RPS6KC1: variants seen among roughly 807,000 people sequenced by gnomAD.
The protein encoded by RPS6KC1 is ribosomal protein S6 kinase C1, also known as inactive ribosomal protein S6 kinase delta-1.
In RPS6KC1, 54 loss-of-function variants were observed where a neutral mutation model predicts 103.8. The ratio of observed to expected loss-of-function variants is 0.52; its 90% CI spans 0.42 to 0.65. The LOEUF is 0.65. Ranked by LOEUF, RPS6KC1 falls within the 30% of genes least tolerant of loss-of-function variation. RPS6KC1 has a pLI of 0.00. For missense variants in RPS6KC1, 1,151 were observed against 1,253.8 expected (o/e 0.92, Z 1.24); for synonymous variants, 439 against 438.7 (o/e 1.00, Z -0.01).
the RPS6KC1 span, among the ~76,000 whole-genome samples, chr1:213,829,186 T>A: frequency 6.7e-6 from 1 of 149,488 alleles, no homozygotes; most frequent in African/African-American, 2.5e-5. Flanking sequence ...AAACAATTGT[T>A]GCATTAAGTG....
chr1:213,079,653 A>G (rs903528188), intron 3 of RPS6KC1, among the ~76,000 whole-genome samples: 2 of 151,928 alleles, frequency 1.3e-5, no homozygotes, highest in Non-Finnish European at 2.9e-5. Context: ...CCTGGGCTTA[A>G]GTGATCTGCC....
At chr1:213,332,648 T>A in the RPS6KC1 span, among the ~76,000 whole-genome samples, 1 of 152,152 alleles carries the variant, frequency 6.6e-6, no homozygotes, top group Non-Finnish European at 1.5e-5. Context: ...TCCTCTGTGG[T>A]GGCTGTGGCA....
chr1:213,746,449 T>A, the RPS6KC1 span, among the ~76,000 whole-genome samples: 1 of 152,138 alleles, frequency 6.6e-6, no homozygotes, highest in Non-Finnish European at 1.5e-5. Context: ...AGGGTGTGTG[T>A]GGGTGGCCGA....
the RPS6KC1 span, among the ~76,000 whole-genome samples, chr1:213,681,335 A>G: frequency 3.4e-3 from 511 of 152,318 alleles, 6 homozygotes; most frequent in African/African-American, 0.012. Flanking sequence ...TCCTCTAACA[A>G]GGCAGTTCTC....
chr1:213,666,499 G>A, the RPS6KC1 span, among the ~76,000 whole-genome samples: 1 of 152,152 alleles, frequency 6.6e-6, no homozygotes, highest in Non-Finnish European at 1.5e-5. Context: ...GAATTCCTGG[G>A]ACAAAGGATG....
chr1:213,310,508 G>C, the RPS6KC1 span, among the ~76,000 whole-genome samples: 1 of 151,928 alleles, frequency 6.6e-6, no homozygotes, highest in South Asian at 2.1e-4. Context: ...TCTTTCACAG[G>C]TACCTAAGCT....
At chr1:213,587,419 G>A in the RPS6KC1 span, among the ~76,000 whole-genome samples, 1 of 152,172 alleles carries the variant, frequency 6.6e-6, no homozygotes. Context: ...ATGGAGTGGG[G>A]CAAGAGGCAC....
chr1:213,723,657 T>C, the RPS6KC1 span, among the ~76,000 whole-genome samples: 1 of 152,154 alleles, frequency 6.6e-6, no homozygotes. Flanking sequence ...TTTGGGGAGA[T>C]ATAATTCAGT....
At chr1:213,205,234 A>G in intron 8 of RPS6KC1, 1 of 984,758 alleles carries the variant, frequency 1.0e-6, no homozygotes, top group Non-Finnish European at 1.2e-6. Context: ...CTACTGATTC[A>G]TTAGTACACA....
At chr1:213,663,396 A>G in the RPS6KC1 span, among the ~76,000 whole-genome samples, 1 of 152,176 alleles carries the variant, frequency 6.6e-6, no homozygotes, top group Non-Finnish European at 1.5e-5. Context: ...AGTGTTGATT[A>G]TAAGACACCC....
intron 6 of RPS6KC1, among the ~76,000 whole-genome samples, chr1:213,154,846 A>G (rs566012880): frequency 9.2e-5 from 14 of 152,248 alleles, no homozygotes; most frequent in Admixed American, 4.6e-4. Context: ...AGTCACCACA[A>G]TTGGTAATGT....
intron 2 of RPS6KC1, among the ~76,000 whole-genome samples, chr1:213,076,485 T>G (rs1319947048): frequency 6.6e-6 from 1 of 152,194 alleles, no homozygotes; most frequent in Admixed American, 6.5e-5. Flanking sequence ...CTGAGATGAT[T>G]AAGTTTTTCA....
At chr1:213,117,215 T>G in intron 4 of RPS6KC1, 102 bp from the exon 5 acceptor site, 51 of 648,962 alleles carry the variant, frequency 7.9e-5, no homozygotes, top group Middle Eastern at 4.0e-4. Flanking sequence ...GTATAGTCGT[T>G]TCTGTACATC....
the RPS6KC1 span, among the ~76,000 whole-genome samples, chr1:213,837,977 T>G: frequency 2.0e-5 from 3 of 152,152 alleles, no homozygotes; most frequent in African/African-American, 7.2e-5. Context: ...TGTCAGTAAT[T>G]TATCTTTCAC....
the RPS6KC1 span, among the ~76,000 whole-genome samples, chr1:213,668,760 C>T: frequency 6.6e-6 from 1 of 152,168 alleles, no homozygotes; most frequent in Non-Finnish European, 1.5e-5. Context: ...AGTGCAGCTA[C>T]CTTCATCAAT....
At chr1:213,443,678 G>A in the RPS6KC1 span, among the ~76,000 whole-genome samples, 1 of 152,108 alleles carries the variant, frequency 6.6e-6, no homozygotes, top group Non-Finnish European at 1.5e-5. Context: ...CACTTTGGGA[G>A]CGTGAGGTGG....
the RPS6KC1 span, among the ~76,000 whole-genome samples, chr1:213,292,660 A>T: frequency 6.6e-6 from 1 of 152,180 alleles, no homozygotes; most frequent in Admixed American, 6.5e-5. Context: ...AAGATTTTAT[A>T]TATTTTTTTC....
chr1:213,555,552 T>A, the RPS6KC1 span, among the ~76,000 whole-genome samples: 1 of 152,178 alleles, frequency 6.6e-6, no homozygotes, highest in African/African-American at 2.4e-5. Flanking sequence ...GGGCTTCAAG[T>A]GATCCTCCCA....
intron 3 of RPS6KC1, among the ~76,000 whole-genome samples, chr1:213,078,096 C>A (rs1216948207): frequency 6.6e-6 from 1 of 151,942 alleles, no homozygotes; most frequent in Non-Finnish European, 1.5e-5. Flanking sequence ...TTCAGTTATT[C>A]TTATAGTTTT....
Sources: gnomAD v4.1 joint callset for allele counts (sites outside exome capture counted in the v4.1 genomes callset) on GRCh38, gnomAD v4.1.1 for gene constraint, MANE v1.5 for transcripts, NCBI Gene and HGNC (gene_info 2026-07-23, HGNC 2026-07-21) for gene names.